SYTL5: variants seen among roughly 807,000 people sequenced by gnomAD.
SYTL5 encodes the protein synaptotagmin-like protein 5.
Under a neutral mutation model 55.9 loss-of-function variants are expected in SYTL5, and 34 were observed. That is an observed-to-expected ratio of 0.61 (90% confidence interval 0.46 to 0.81). The LOEUF is 0.81. Ranked by LOEUF, SYTL5 falls within the 30% of genes least tolerant of loss-of-function variation. The pLI, the probability that SYTL5 is intolerant of heterozygous loss-of-function variation, is 0.00. For synonymous variants in SYTL5, 221 were observed against 188.7 expected (o/e 1.17, Z -1.40); for missense variants, 637 against 546.7 (o/e 1.17, Z -1.65).
chrX:38,111,830 T>C (rs1237207698), intron 13 of SYTL5, among the ~76,000 whole-genome samples: 1 of 112,089 alleles, frequency 8.9e-6, no homozygotes, highest in African/African-American at 3.2e-5. Context: ...ATGCATTAGC[T>C]GGCTTAAGAC....
chrX:38,100,888 A>G (rs1569186385), intron 9 of SYTL5, among the ~76,000 whole-genome samples: 1 of 111,430 alleles, frequency 9.0e-6, no homozygotes. Flanking sequence ...ACATATTCAC[A>G]GAATATACAT....
the SYTL5 span, among the ~76,000 whole-genome samples, chrX:37,931,437 T>G: frequency 8.9e-6 from 1 of 111,858 alleles, no homozygotes; most frequent in Non-Finnish European, 1.9e-5. Context: ...AATATCTTAT[T>G]TGGTACTCTT....
the SYTL5 span, among the ~76,000 whole-genome samples, chrX:37,927,153 GGAAAACTTTAAAA>G: frequency 8.9e-6 from 1 of 111,819 alleles, no homozygotes; most frequent in Non-Finnish European, 1.9e-5. Flanking sequence ...TCTACATACT[GGAAAACTTTAAAA>G]GATGTATTTC....
At chrX:37,895,788 A>G in the SYTL5 span, among the ~76,000 whole-genome samples, 2 of 111,362 alleles carry the variant, frequency 1.8e-5, no homozygotes, top group Non-Finnish European at 3.8e-5. Context: ...TATTCTAAAA[A>G]TTAAACTTCA....
intron 3 of SYTL5, among the ~76,000 whole-genome samples, chrX:38,059,725 T>C (rs953323385): frequency 3.6e-5 from 4 of 111,261 alleles, no homozygotes; most frequent in African/African-American, 1.3e-4. Flanking sequence ...GCTTGTTTTT[T>C]CACACAGCTC....
the SYTL5 span, among the ~76,000 whole-genome samples, chrX:37,942,591 C>G: frequency 8.9e-6 from 1 of 111,913 alleles, no homozygotes; most frequent in Non-Finnish European, 1.9e-5. Flanking sequence ...TGAACACCAG[C>G]TCATCTGCTT....
chrX:38,077,274 G>C (rs933948964), intron 6 of SYTL5, among the ~76,000 whole-genome samples: 1 of 111,166 alleles, frequency 9.0e-6, no homozygotes, highest in African/African-American at 3.3e-5. Flanking sequence ...TATATCAGGC[G>C]TGATTTTCTG....
the SYTL5 span, chrX:37,991,117 G>A: frequency 2.8e-5 from 34 of 1,209,577 alleles, no homozygotes; most frequent in African/African-American, 2.3e-4. Flanking sequence ...GACAACAACC[G>A]TGAGCCCCAC....
the SYTL5 span, among the ~76,000 whole-genome samples, chrX:37,940,371 A>G: frequency 9.2e-6 from 1 of 109,195 alleles, no homozygotes; most frequent in African/African-American, 3.3e-5. Context: ...TGGATCATTA[A>G]TATCAAGGTG....
chrX:38,123,165 A>C (rs1937590808), intron 15 of SYTL5, among the ~76,000 whole-genome samples: 1 of 112,310 alleles, frequency 8.9e-6, no homozygotes, highest in Non-Finnish European at 1.9e-5. Flanking sequence ...TTTGAGACAG[A>C]GTTTCACTCT....
chrX:38,053,717 A>G (rs965136618), intron 2 of SYTL5, among the ~76,000 whole-genome samples: 10 of 111,962 alleles, frequency 8.9e-5, no homozygotes, highest in Admixed American at 1.9e-4. Context: ...AGTAGTATAT[A>G]TAGGCAGGTA....
chrX:37,950,298 T>C, the SYTL5 span, among the ~76,000 whole-genome samples: 1 of 111,545 alleles, frequency 9.0e-6, no homozygotes, highest in East Asian at 2.8e-4. Flanking sequence ...ACAGTATTTC[T>C]CACTTAGAGG....
chrX:37,902,955 A>G, the SYTL5 span, among the ~76,000 whole-genome samples: 1 of 112,313 alleles, frequency 8.9e-6, no homozygotes, highest in African/African-American at 3.2e-5. Context: ...AAAAATGCTC[A>G]CCATCACTGG....
intron 2 of SYTL5, among the ~76,000 whole-genome samples, chrX:38,040,945 A>T (rs1935268643): frequency 8.9e-6 from 1 of 112,110 alleles, no homozygotes; most frequent in Non-Finnish European, 1.9e-5. Context: ...ACAGTGTATG[A>T]AAGTTCCTTT....
chrX:38,023,955 C>G (rs1160432664), intron 1 of SYTL5: 5 of 109,199 alleles, frequency 4.6e-5, no homozygotes, highest in Non-Finnish European at 7.7e-5. Context: ...ATAGCAAAAA[C>G]TGCAATTACT....
chrX:38,102,669 TCTC>T lies in SYTL5; in HGVS notation c.1155+239_1155+241del, dbSNP rs1218898894. ...CACAGTCCTCACCCAGGTTTTAAAA[TCTC>T]CTCACTCCCTAGTTCAGGCTCAGTC... On this transcript the variant is annotated intron_variant, in intron 10 of 16. Transcript: ENST00000297875. 2.7e-5 allele frequency among the ~76,000 whole-genome samples: 3 copies of T among 111,134 alleles called. No individual in the cohort carries two copies. In the Admixed American group the frequency reaches 2.9e-4, roughly 11 times the overall value.
intron 2 of SYTL5, among the ~76,000 whole-genome samples, chrX:38,051,968 T>A (rs151036246): frequency 2.8e-3 from 318 of 111,756 alleles, no homozygotes; most frequent in African/African-American, 9.7e-3. Flanking sequence ...GAGAAAGTGA[T>A]GTACTCATTA....
At chrX:37,938,374 C>T in the SYTL5 span, among the ~76,000 whole-genome samples, 1 of 112,387 alleles carries the variant, frequency 8.9e-6, no homozygotes, top group African/African-American at 3.2e-5. Context: ...TAACCTTGCA[C>T]CTTGACATGA....
At chrX:38,126,091 T>A (rs1163101163) in intron 16 of SYTL5, among the ~76,000 whole-genome samples, 1 of 112,031 alleles carries the variant, frequency 8.9e-6, no homozygotes, top group Non-Finnish European at 1.9e-5. Flanking sequence ...TTCCCCTAAC[T>A]CTCATTATCC....
Sources: allele counts gnomAD v4.1 joint callset (sites outside exome capture counted in the v4.1 genomes callset), GRCh38; gene constraint gnomAD v4.1.1; transcripts MANE v1.5; gene names NCBI Gene and HGNC (gene_info 2026-07-23, HGNC 2026-07-21).